TCF20: variants seen among roughly 807,000 people sequenced by gnomAD.
TCF20 encodes SPRE-binding protein.
A neutral mutation model predicts 148.6 loss-of-function variants in TCF20; 3 were observed. That is an observed-to-expected ratio of 0.02 (90% CI 0.01 to 0.05). The LOEUF (loss-of-function observed/expected upper bound fraction) is 0.05, where lower values mean the gene tolerates loss of function less well. TCF20 is among the 10% of genes least tolerant of loss of function. TCF20 has a pLI of 1.00. For missense variants in TCF20, 2,350 were observed against 2,429.3 expected (o/e 0.97, Z 0.69); for synonymous variants, 1,049 against 909.5 (o/e 1.15, Z -2.76).
chr22:42,172,742 C>T (rs891868295), intron 3 of TCF20, among the ~76,000 whole-genome samples: 9 of 152,224 alleles, frequency 5.9e-5, no homozygotes, highest in Non-Finnish European at 2.9e-5. Flanking sequence ...GGTTTAATGT[C>T]CTTTGGATCT....
At chr22:42,224,465 C>CA (rs1226364120) in intron 1 of TCF20, among the ~76,000 whole-genome samples, 70 of 82,132 alleles carry the variant, frequency 8.5e-4, no homozygotes, top group Admixed American at 4.1e-3. Context: ...GACTCTGTCT[C>CA]AAAAAAAAAA....
At chr22:42,332,193 C>T (rs1265787503) in intron 1 of TCF20, among the ~76,000 whole-genome samples, 1 of 152,212 alleles carries the variant, frequency 6.6e-6, no homozygotes, top group Non-Finnish European at 1.5e-5. Context: ...ACCAGGAAGG[C>T]CCTGCCTGGC....
rs369374440 is a variant in TCF20 at position 42,213,416 on chromosome 22, A to T, written c.1890T>A (p.Asp630Glu). The change falls in exon 2 of 6, where the codon GAT becomes GAA. Residue 630 changes from aspartate to glutamate, a missense_variant. Asp to Glu is a conservative substitution (Grantham distance 45, BLOSUM62 2). Coordinates refer to ENST00000677622, the MANE Select transcript of TCF20 (RefSeq NM_001378418.1). Reference protein sequence around the residue: ...PGGQDKGSQEDDPAATQRPPS... With the variant: ...PGGQDKGSQEEDPAATQRPPS... The stretch of plus-strand genomic sequence containing the variant: ...GTGGCCTTTGAGTGGCTGCAGGATC[A>T]TCCTCTTGGGAGCCTTTATCTTGTC... 4.3e-6 allele frequency: 7 copies of T among 1,614,106 alleles called. No individual in the cohort carries two copies. The highest frequency in any genetic ancestry group is 5.9e-6 in the Non-Finnish European group (7 of 1,180,020).
chr22:42,242,521 G>A (rs1343963291), intron 1 of TCF20, among the ~76,000 whole-genome samples: 2 of 152,000 alleles, frequency 1.3e-5, no homozygotes, highest in African/African-American at 2.4e-5. Context: ...CTATATAGAC[G>A]AACTTACAAC....
rs767984331 is a variant in TCF20, at chr22:42,210,751, C to G, written c.4555G>C (p.Val1519Leu). ...PKAEEKENDTVTISPKQEGFP... is the reference protein window; with the variant it reads ...PKAEEKENDTLTISPKQEGFP... ...CCCTCTTGCTTCGGTGAAATCGTCA[C>G]TGTATCGTTCTCCTTCTCTTCAGCC... is the stretch of plus-strand genomic sequence containing the variant. Residue 1519 changes from valine to leucine, a missense_variant, in exon 2 of 6, where the codon GTG (valine) becomes CTG (leucine). By Grantham distance (32) the Val-to-Leu change is conservative (BLOSUM62 1). Coordinates refer to ENST00000677622, the MANE Select transcript of TCF20 (RefSeq NM_001378418.1). This position sits in a 1 kb window ranked among gnomAD's most constrained non-coding sequence, Gnocchi z 4.7. 2 of 1,614,212 alleles carry G rather than the reference C, an allele frequency of 1.2e-6. No individual in the cohort carries two copies. Among genetic ancestry groups the G allele is most frequent in the Admixed American group, 1.7e-5 (1 of 60,028 alleles).
rs758213121 is a variant in TCF20 at position 42,212,785 on chromosome 22, T to C, written c.2521A>G (p.Ile841Val). ...GGCTCTATTTCAAACTTTCTGGGAA[T>C]TGGATAGTCAGTCAAATTGATCTGT... ...MKQINLTDYP[I>V]PRKFEIEPQS... Residue 841 changes from isoleucine (I) to valine (V), a missense_variant, in exon 2 of 6, where the codon ATT becomes GTT. Ile to Val is a conservative substitution (Grantham distance 29, BLOSUM62 3). Transcript: ENST00000677622. 2.5e-6 allele frequency: 4 copies of C among 1,614,096 alleles called. No individual in the cohort carries two copies. Among genetic ancestry groups the C allele is most frequent in the South Asian group, 1.1e-5 (1 of 91,088 alleles).
chr22:42,309,182 C>T (rs1927488120), intron 1 of TCF20, among the ~76,000 whole-genome samples: 1 of 152,070 alleles, frequency 6.6e-6, no homozygotes, highest in Non-Finnish European at 1.5e-5. Context: ...GCAACCCCTG[C>T]GGGACAGTCA....
chr22:42,210,517 T>C lies in TCF20; in HGVS notation c.4789A>G (p.Lys1597Glu). 3 of 1,614,214 alleles carry C rather than the reference T, an allele frequency of 1.9e-6. No homozygotes were observed. Among genetic ancestry groups the C allele is most frequent in the Non-Finnish European group, 2.5e-6 (3 of 1,180,036 alleles). Residue 1597 changes from lysine to glutamate, a missense_variant, in exon 2 of 6, where the codon AAA (lysine) becomes GAA (glutamate). Lys to Glu is a moderately conservative substitution (Grantham distance 56). Around this residue, in one of 7 missense-constraint regions of TCF20, gnomAD observed 374 missense variants for 398.3 expected, o/e 0.94. Coordinates refer to ENST00000677622, the MANE Select transcript of TCF20 (RefSeq NM_001378418.1). The surrounding 1 kb of genome is among the most constrained non-coding windows in gnomAD (Gnocchi z 4.7). ...ACAATGGGAACTGCTTGTTTGGTTT[T>C]TCGCTTCCTCGGCTGGGCCCCAGGC... ...RKPGAQPRKR[K>E]TKQAVPIVEP...
intron 3 of TCF20, among the ~76,000 whole-genome samples, chr22:42,171,079 C>A (rs1227895409): frequency 6.6e-6 from 1 of 152,220 alleles, no homozygotes; most frequent in Non-Finnish European, 1.5e-5. Context: ...ATGATGACAG[C>A]ATCCTGGATG....
At chr22:42,243,501 C>G (rs1300348004) in intron 1 of TCF20, among the ~76,000 whole-genome samples, 1 of 151,884 alleles carries the variant, frequency 6.6e-6, no homozygotes, top group East Asian at 1.9e-4. Context: ...ACTCAGAAGG[C>G]TGAGGCAGGA....
intron 1 of TCF20, among the ~76,000 whole-genome samples, chr22:42,259,230 G>A (rs1483698396): frequency 6.6e-6 from 1 of 152,146 alleles, no homozygotes; most frequent in Non-Finnish European, 1.5e-5. Context: ...TCTGTTCTGG[G>A]CCCTTGAGCA....
chr22:42,174,889 G>T (rs889195936), intron 3 of TCF20, among the ~76,000 whole-genome samples: 8 of 152,124 alleles, frequency 5.3e-5, no homozygotes, highest in Admixed American at 6.5e-5. Context: ...GAAAAAATTA[G>T]CCGGGCGTGG....
At position 42,212,358 on chromosome 22, in the gene TCF20, C is replaced by T; in HGVS notation, c.2948G>A (p.Ser983Asn). Residue 983 changes from serine (S) to asparagine (N), a missense_variant, in exon 2 of 6, where the codon AGC (serine) becomes AAC (asparagine). By Grantham distance (46) the Ser-to-Asn change is conservative. Transcript: ENST00000677622. ...GACCCGCCGCATTGGCGTGGGTCTG[C>T]TGTCTTGCGGGCCATAGTCTGAAAG... The part of the protein sequence containing the change: ...DSLSDYGPQD[S>N]RPTPMRRVPG... 3.7e-6 allele frequency: 6 copies of T among 1,614,244 alleles called. No homozygotes were observed. The highest frequency in any genetic ancestry group is 5.1e-6 in the Non-Finnish European group (6 of 1,180,034).
intron 3 of TCF20, 45 bp downstream of exon 3, chr22:42,179,564 T>C: frequency 7.7e-7 from 1 of 1,297,434 alleles, no homozygotes; most frequent in Non-Finnish European, 1.1e-6. Context: ...CTGTATGTCC[T>C]AATCCTTTGG....
In TCF20 at chr22:42,210,435, G is replaced by A; in HGVS notation, c.4871C>T (p.Thr1624Ile). 6.2e-7 allele frequency: 1 copy of A among 1,614,268 alleles called. No homozygotes were observed. Among genetic ancestry groups the A allele is most frequent in the Non-Finnish European group, 8.5e-7 (1 of 1,180,042 alleles). Residue 1624 changes from threonine to isoleucine, a missense_variant, in exon 2 of 6, where the codon ACT (threonine) becomes ATT (isoleucine). Thr to Ile is a moderately conservative substitution (Grantham distance 89, BLOSUM62 -1). Coordinates refer to ENST00000677622, the MANE Select transcript of TCF20 (RefSeq NM_001378418.1). This position sits in a 1 kb window ranked among gnomAD's most constrained non-coding sequence, Gnocchi z 4.7. ...GTAAAAAGACTTGTTCTTGGCATCAGTTTTATCCAGTGGCTGGGTGGCATA... is the reference window on the plus strand; with the variant it reads ...GTAAAAAGACTTGTTCTTGGCATCAATTTTATCCAGTGGCTGGGTGGCATA... ...LKYATQPLDKTDAKNKSFYPY... is the reference protein window; with the variant it reads ...LKYATQPLDKIDAKNKSFYPY...
intron 2 of TCF20, among the ~76,000 whole-genome samples, chr22:42,197,316 G>A (rs1601565063): frequency 6.7e-6 from 1 of 149,454 alleles, no homozygotes; most frequent in Non-Finnish European, 1.5e-5. Context: ...ATTTACAGAT[G>A]AGAAACTTTT....
upstream of TCF20, among the ~76,000 whole-genome samples, chr22:42,288,275 C>T (rs1455371281): frequency 1.3e-5 from 2 of 152,102 alleles, no homozygotes; most frequent in East Asian, 1.9e-4. Flanking sequence ...CGGTGGCTCA[C>T]GCCTGTAATC....
At chr22:42,216,764 G>A (rs1187753832) in intron 1 of TCF20, among the ~76,000 whole-genome samples, 1 of 152,180 alleles carries the variant, frequency 6.6e-6, no homozygotes, top group Non-Finnish European at 1.5e-5. Flanking sequence ...AATTCATCAA[G>A]CCTAGGACCC....
In TCF20 at chr22:42,164,099, C is replaced by T. The variant is rs530476073; in HGVS notation, c.*45-2741G>A. On this transcript the variant is annotated intron_variant, in intron 5 of 5. Coordinates refer to ENST00000677622, the MANE Select transcript of TCF20 (RefSeq NM_001378418.1). ...TCATTTCTAAAACAGACACTAATTC[C>T]GACTAGAGAGGGAGGATATGAAGGG... Among the ~76,000 whole-genome samples, 18 of 152,162 alleles carry T rather than the reference C, an allele frequency of 1.2e-4. No individual in the cohort carries two copies. The South Asian group carries it at 1.5e-3, about 12-fold the overall frequency.
Sources: allele counts gnomAD v4.1 joint callset (sites outside exome capture counted in the v4.1 genomes callset), GRCh38; gene constraint gnomAD v4.1.1; regional missense constraint gnomAD v4.1.1; non-coding constraint Gnocchi (gnomAD v3.1); transcripts MANE v1.5; gene names NCBI Gene and HGNC (gene_info 2026-07-23, HGNC 2026-07-21).